The following SMIM35 variants were observed in gnomAD, a reference collection of about 807,000 sequenced individuals.
The protein encoded by SMIM35 is TMPRSS4 antisense RNA 1 (non-protein coding).
At chr11:118,042,583 C>T (rs1944022696) in intron 1 of SMIM35, among the ~76,000 whole-genome samples, 2 of 152,140 alleles carry the variant, frequency 1.3e-5, no homozygotes, top group African/African-American at 4.8e-5. Context: ...ATAGAAGAGG[C>T]TAAACACTTC....
chr11:118,026,177 C>T (rs1024608946), intron 1 of SMIM35, among the ~76,000 whole-genome samples: 1 of 152,186 alleles, frequency 6.6e-6, no homozygotes, highest in Non-Finnish European at 1.5e-5. Flanking sequence ...CAGTACCATG[C>T]TGTTTTGGTT....
chr11:118,007,399 A>G (rs1362872094), intron 4 of SMIM35, among the ~76,000 whole-genome samples: 33 of 151,780 alleles, frequency 2.2e-4, no homozygotes, highest in Non-Finnish European at 8.8e-5. Context: ...AGAAGATGTA[A>G]CTTCTTTTTT....
chr11:118,038,954 T>G (rs1591291254), intron 1 of SMIM35, among the ~76,000 whole-genome samples: 1 of 149,814 alleles, frequency 6.7e-6, no homozygotes, highest in Non-Finnish European at 1.5e-5. Flanking sequence ...GGAGAGGGGG[T>G]GGAGCAGAGA....
At position 118,006,916 on chromosome 11, in the gene SMIM35, A is replaced by G. The variant is rs147394337; in HGVS notation, c.*34-540T>C. Among the ~76,000 whole-genome samples, 1,193 of 152,346 alleles carry G rather than the reference A, an allele frequency of 7.8e-3. 6 individuals carry two copies. The highest frequency in any genetic ancestry group is 0.013 in the Non-Finnish European group (900 of 68,030). On this transcript the variant is annotated intron_variant, in intron 4 of 4. Transcript: ENST00000689828. ...TGGTCAAGAGACAAGGCAAAGGACC[A>G]TGAAAACATTCAACATGCATTCACT...
intron 1 of SMIM35, among the ~76,000 whole-genome samples, chr11:118,048,946 C>CAAAAAAAAAAAAAAAAAAAAAAAAAAAA (rs57261529): frequency 1.8e-4 from 11 of 60,492 alleles, no homozygotes; most frequent in African/African-American, 4.4e-4. Flanking sequence ...TGAAGAGCTG[C>CAAAAAAAAAAAAAAAAAAAAAAAAAAAA]AAAAAAAAAA....
At chr11:118,014,384 AGATGGATG>A (rs72362173) in intron 3 of SMIM35, among the ~76,000 whole-genome samples, 40,292 of 146,750 alleles carry the variant, frequency 0.27, 5,685 homozygotes, top group African/African-American at 0.35. Flanking sequence ...CTTGGGGGAG[AGATGGATG>A]GATGGATGGA....
At chr11:118,029,052 A>T in intron 1 of SMIM35, 1 of 333,878 alleles carries the variant, frequency 3.0e-6, no homozygotes, top group South Asian at 2.4e-5. Flanking sequence ...TCAGACAAAT[A>T]GAATGTCTGC....
At chr11:118,053,539 A>G (rs974640714) in intron 1 of SMIM35, among the ~76,000 whole-genome samples, 8 of 152,094 alleles carry the variant, frequency 5.3e-5, no homozygotes, top group East Asian at 1.9e-4. Flanking sequence ...CAACTCCTCC[A>G]AACAGCAGTC....
chr11:118,035,452 G>A (rs528754235), intron 1 of SMIM35, among the ~76,000 whole-genome samples: 22 of 152,318 alleles, frequency 1.4e-4, no homozygotes, highest in Non-Finnish European at 1.3e-4. Flanking sequence ...TGGAGCTCAT[G>A]TTCTATGAGG....
intron 4 of SMIM35, among the ~76,000 whole-genome samples, chr11:118,006,844 G>A (rs1280516021): frequency 6.6e-6 from 1 of 152,224 alleles, no homozygotes; most frequent in Non-Finnish European, 1.5e-5. Context: ...ACTCTTGGGT[G>A]TTGTAGGAAC....
chr11:118,050,340 G>C lies in SMIM35; in HGVS notation c.8-34531C>G, dbSNP rs572897396. Among the ~76,000 whole-genome samples, 27 of 152,306 alleles carry C rather than the reference G, an allele frequency of 1.8e-4. No individual in the cohort carries two copies. In the South Asian group the frequency reaches 5.6e-3, roughly 32 times the overall value. ...CCTGGGCTCCTAGGTCTGTAAAGACGGGGTGCCAGCTGGGGGAACCTAGGC... is the reference window on the plus strand; with the variant it reads ...CCTGGGCTCCTAGGTCTGTAAAGACCGGGTGCCAGCTGGGGGAACCTAGGC... On this transcript the variant is annotated intron_variant, in intron 1 of 4. Coordinates refer to ENST00000689828, the MANE Select transcript of SMIM35 (RefSeq NM_001394165.1).
intron 1 of SMIM35, among the ~76,000 whole-genome samples, chr11:118,063,325 T>G (rs888072166): frequency 8.5e-5 from 13 of 152,190 alleles, no homozygotes; most frequent in African/African-American, 3.1e-4. Context: ...ACTTCTACTC[T>G]TCTTTCTGTT....
intron 1 of SMIM35, among the ~76,000 whole-genome samples, chr11:118,080,082 G>A (rs573769233): frequency 6.6e-6 from 1 of 152,322 alleles, no homozygotes; most frequent in Admixed American, 6.5e-5. Context: ...AAATGGGGCT[G>A]GGGATTGGGA....
At chr11:118,007,745 C>CT (rs1411435057) in intron 4 of SMIM35, among the ~76,000 whole-genome samples, 1 of 152,106 alleles carries the variant, frequency 6.6e-6, no homozygotes, top group Non-Finnish European at 1.5e-5. Flanking sequence ...TGGTTCTCTG[C>CT]TTATCATGAG....
intron 1 of SMIM35, among the ~76,000 whole-genome samples, chr11:118,046,173 T>C (rs1388298099): frequency 2.0e-5 from 3 of 151,052 alleles, no homozygotes; most frequent in African/African-American, 4.9e-5. Flanking sequence ...CAAGTACCCA[T>C]AGAGATCTCC....
At chr11:118,014,061 T>A (rs555493839) in intron 3 of SMIM35, among the ~76,000 whole-genome samples, 181 bp from the exon 4 acceptor site, 1 of 152,174 alleles carries the variant, frequency 6.6e-6, no homozygotes, top group African/African-American at 2.4e-5. Context: ...GGCAAGTAGA[T>A]GAGATGACCA....
At chr11:118,062,646 G>A (rs1306114888) in intron 1 of SMIM35, among the ~76,000 whole-genome samples, 1 of 152,066 alleles carries the variant, frequency 6.6e-6, no homozygotes, top group Non-Finnish European at 1.5e-5. Flanking sequence ...ACCCTCTCCT[G>A]GCCCTCCCTC....
chr11:118,013,854 G>T lies in SMIM35; in HGVS notation c.185C>A (p.Pro62Gln). The T allele has an allele frequency of 2.5e-6, 1 of 399,058 alleles. No individual in the cohort carries two copies. Among genetic ancestry groups the T allele is most frequent in the Non-Finnish European group, 4.4e-6 (1 of 226,082 alleles). 24.7% of individuals were successfully genotyped at this position (399,058 alleles called of 1,614,324 possible). A position where few individuals can be genotyped will look rare whatever the true frequency, so the allele number is the denominator to read the frequency against. Residue 62 changes from proline to glutamine, a missense_variant, in exon 4 of 5, where the codon CCA becomes CAA. Physicochemically the swap from Pro to Gln is moderately conservative, Grantham distance 76. Coordinates refer to ENST00000689828, the MANE Select transcript of SMIM35 (RefSeq NM_001394165.1). ...GATGTGACCACTGATGGTGAAGGGT[G>T]GACCCATCTCCAGATCCTTCAGGTT... ...IRNLKDLEMG[P>Q]PFTISGHISS...
chr11:118,074,780 G>A (rs975253311), intron 1 of SMIM35, among the ~76,000 whole-genome samples: 19 of 149,764 alleles, frequency 1.3e-4, no homozygotes, highest in African/African-American at 4.4e-4. Flanking sequence ...GTGGGTTCTG[G>A]TCCAGCTGGT....
Sources: gnomAD v4.1 joint callset for allele counts (sites outside exome capture counted in the v4.1 genomes callset) on GRCh38, gnomAD v4.1.1 for gene constraint, MANE v1.5 for transcripts, NCBI Gene and HGNC (gene_info 2026-07-23, HGNC 2026-07-21) for gene names.